PAK5: variants seen among roughly 807,000 people sequenced by gnomAD.
PAK5 encodes the protein p21 (RAC1) activated kinase 5.
In PAK5, 16 loss-of-function variants were observed where a neutral mutation model predicts 65.9. The ratio of observed to expected loss-of-function variants is 0.24; its 90% CI spans 0.16 to 0.37. The LOEUF (loss-of-function observed/expected upper bound fraction) is 0.37. Among genes scored for constraint, PAK5 ranks in the 10% least tolerant of loss-of-function variants. PAK5 has a pLI of 1.00. For synonymous variants in PAK5, 371 were observed against 354.9 expected, an observed-to-expected ratio of 1.05 and a Z score of -0.51; for missense variants, 785 against 903.9, an observed-to-expected ratio of 0.87 and a Z score of 1.69.
chr20:9,836,178 C>CCTTCTG (rs56228739), intron 1 of PAK5, among the ~76,000 whole-genome samples: 83,677 of 151,406 alleles, frequency 0.55, 23,950 homozygotes, highest in African/African-American at 0.71. Flanking sequence ...TCTATCTTTA[C>CCTTCTG]CTCTTATGCT....
chr20:9,576,004 T>C (rs910331675), intron 4 of PAK5, among the ~76,000 whole-genome samples: 2 of 152,182 alleles, frequency 1.3e-5, no homozygotes, highest in East Asian at 1.9e-4. Context: ...AGTTGAGTCA[T>C]GTTTGCAAAA....
rs73242873 is a variant in PAK5 at position 9,712,587 on chromosome 20, C to T, written c.-161-1152G>A. Among the ~76,000 whole-genome samples, 703 of 152,204 alleles carry T rather than the reference C, an allele frequency of 4.6e-3. 3 individuals are homozygous for T. Among genetic ancestry groups the T allele is most frequent in the African/African-American group, 0.016 (659 of 41,544 alleles). Reference sequence around the variant, plus strand: ...GCAATGCTGAGCAGAAAGAATAAAACTGGAGGCATTAAAGTACTTGATTTC... The same window carrying T: ...GCAATGCTGAGCAGAAAGAATAAAATTGGAGGCATTAAAGTACTTGATTTC... On this transcript the variant is annotated intron_variant, in intron 1 of 9. Transcript: ENST00000353224.
intron 2 of PAK5, among the ~76,000 whole-genome samples, chr20:9,687,662 G>A (rs925545698): frequency 3.3e-5 from 5 of 152,000 alleles, no homozygotes; most frequent in African/African-American, 7.3e-5. Flanking sequence ...CTTCAGATAC[G>A]GCCAAACACT....
intron 3 of PAK5, among the ~76,000 whole-genome samples, chr20:9,643,305 GCTA>G (rs1027312899): frequency 2.8e-4 from 42 of 152,134 alleles, no homozygotes; most frequent in African/African-American, 9.9e-4. Flanking sequence ...GCAATTGCCT[GCTA>G]GTCTATAGAA....
intron 1 of PAK5, among the ~76,000 whole-genome samples, chr20:9,823,667 A>G (rs145490679): frequency 2.0e-4 from 30 of 152,216 alleles, no homozygotes; most frequent in African/African-American, 7.0e-4. Flanking sequence ...TTTATAAATT[A>G]CCCAGTCTTG....
At chr20:9,592,060 T>C (rs778076525) in intron 3 of PAK5, among the ~76,000 whole-genome samples, 8 of 152,104 alleles carry the variant, frequency 5.3e-5, no homozygotes, top group Non-Finnish European at 1.0e-4. Flanking sequence ...ATGCAAAAAA[T>C]AGAAGAGAAA....
intron 1 of PAK5, among the ~76,000 whole-genome samples, chr20:9,755,168 G>A (rs6141027): frequency 6.6e-6 from 1 of 152,116 alleles, no homozygotes. Flanking sequence ...ATTATACTCA[G>A]GCAGTTAAAT....
intron 3 of PAK5, among the ~76,000 whole-genome samples, chr20:9,612,184 C>T (rs1403537505): frequency 6.6e-6 from 1 of 152,182 alleles, no homozygotes; most frequent in Non-Finnish European, 1.5e-5. Flanking sequence ...TCCTCTGGGG[C>T]CGCCCTGCCC....
chr20:9,792,527 A>G lies in PAK5; in HGVS notation c.-162+46235T>C, dbSNP rs558894536. Among the ~76,000 whole-genome samples the G allele has an allele frequency of 2.6e-5, 4 of 152,332 alleles. No homozygotes were observed. The South Asian group carries it at 8.3e-4, about 32-fold the overall frequency. Reference sequence around the variant, plus strand: ...CATGAGGAAATATCCAAAAATTGCCAGGAACTTTTTAAGTGGGACAGTAAC... The same window carrying G: ...CATGAGGAAATATCCAAAAATTGCCGGGAACTTTTTAAGTGGGACAGTAAC... On this transcript the variant is annotated intron_variant, in intron 1 of 9. Transcript: ENST00000353224.
chr20:9,758,209 A>G (rs1213403227), intron 1 of PAK5, among the ~76,000 whole-genome samples: 1 of 152,214 alleles, frequency 6.6e-6, no homozygotes, highest in Non-Finnish European at 1.5e-5. Flanking sequence ...AGTGTTGCTA[A>G]GTCATTTATC....
intron 3 of PAK5, among the ~76,000 whole-genome samples, chr20:9,615,600 A>C (rs774830083): frequency 3.3e-5 from 5 of 152,244 alleles, no homozygotes; most frequent in African/African-American, 4.8e-5. Flanking sequence ...TTCGTTGAAG[A>C]AGTAAAAACT....
At chr20:9,545,542 T>G (rs1373929651) in intron 7 of PAK5, among the ~76,000 whole-genome samples, 1 of 152,166 alleles carries the variant, frequency 6.6e-6, no homozygotes, top group Non-Finnish European at 1.5e-5. Context: ...CTCTCTTAAT[T>G]CTCTTCACAC....
Position 9,712,798 on chromosome 20 carries a change from G to A in PAK5, c.-161-1363C>T, listed in dbSNP as rs2048093672. Reference sequence around the variant, plus strand: ...CAGTCTGTTTAATAAATGATGCTAGGAAAACCTGATATACATATACAGAAG... The same window carrying A: ...CAGTCTGTTTAATAAATGATGCTAGAAAAACCTGATATACATATACAGAAG... On this transcript the variant is annotated intron_variant, in intron 1 of 9. Coordinates refer to ENST00000353224, the MANE Select transcript of PAK5 (RefSeq NM_177990.4). Among the ~76,000 whole-genome samples, 4 of 152,076 alleles carry A rather than the reference G, an allele frequency of 2.6e-5. No individual in the cohort carries two copies. In the South Asian group the frequency reaches 8.3e-4, roughly 31 times the overall value.
chr20:9,786,601 GAAGAAACTGA>G (rs1171942615), intron 1 of PAK5, among the ~76,000 whole-genome samples: 1 of 152,012 alleles, frequency 6.6e-6, no homozygotes, highest in Non-Finnish European at 1.5e-5. Context: ...CATCATTTAA[GAAGAAACTGA>G]AAGTTATCAA....
At chr20:9,796,247 A>T (rs1370159776) in intron 1 of PAK5, among the ~76,000 whole-genome samples, 1 of 152,138 alleles carries the variant, frequency 6.6e-6, no homozygotes, top group Non-Finnish European at 1.5e-5. Flanking sequence ...AATTTGCAAT[A>T]TGAGGGAGAA....
chr20:9,679,516 C>CT (rs775958886), intron 2 of PAK5, among the ~76,000 whole-genome samples: 21 of 152,068 alleles, frequency 1.4e-4, no homozygotes, highest in Middle Eastern at 3.4e-3. Flanking sequence ...TGGTAAACAC[C>CT]TTTTTTTTCT....
At chr20:9,587,735 G>A (rs6056720) in intron 3 of PAK5, among the ~76,000 whole-genome samples, 1 of 151,810 alleles carries the variant, frequency 6.6e-6, no homozygotes, top group South Asian at 2.1e-4. Context: ...GATGATGGTC[G>A]GAGGGTTACA....
intron 2 of PAK5, among the ~76,000 whole-genome samples, chr20:9,672,003 C>G (rs1030278643): frequency 6.6e-6 from 1 of 151,948 alleles, no homozygotes; most frequent in African/African-American, 2.4e-5. Context: ...AGCTTTGTTC[C>G]TAGTCTCTGA....
chr20:9,601,188 A>G (rs2046353280), intron 3 of PAK5, among the ~76,000 whole-genome samples: 1 of 152,208 alleles, frequency 6.6e-6, no homozygotes, highest in Non-Finnish European at 1.5e-5. Context: ...CCCACAGCCT[A>G]TTACAAGGGA....
Sources: gnomAD v4.1 joint callset for allele counts (sites outside exome capture counted in the v4.1 genomes callset) on GRCh38, gnomAD v4.1.1 for gene constraint, MANE v1.5 for transcripts, NCBI Gene and HGNC (gene_info 2026-07-23, HGNC 2026-07-21) for gene names.